The following ZNF274 variants were observed in gnomAD, a reference collection of about 807,000 sequenced individuals.
ZNF274 encodes neurotrophin receptor-interacting factor homolog.
ZNF274 carries 23 observed loss-of-function variants against 42.5 expected under a neutral mutation model. The observed-to-expected ratio is 0.54, with a 90% CI of 0.39 to 0.77. The LOEUF is 0.77. Among genes scored for constraint, ZNF274 ranks in the 30% least tolerant of loss-of-function variants. The probability of loss-of-function intolerance (pLI) is 0.00; values close to 1 mark genes in which losing one functional copy is unlikely to be tolerated. For synonymous variants in ZNF274, 292 were observed against 305.4 expected (o/e 0.96, Z 0.46); for missense variants, 679 against 806.5 (o/e 0.84, Z 1.91).
At chr19:58,196,537 A>C (rs1290743937) in intron 4 of ZNF274, among the ~76,000 whole-genome samples, 2 of 152,212 alleles carry the variant, frequency 1.3e-5, no homozygotes, top group African/African-American at 4.8e-5. Flanking sequence ...AGAAAAAAAA[A>C]CAAAGTTAAG....
Position 58,212,512 on chromosome 19 carries a change from T to C in ZNF274, c.1331T>C (p.Ile444Thr). Reference protein sequence around the residue: ...LDTNQVLLHKIPPRKRLRKRD... With the variant: ...LDTNQVLLHKTPPRKRLRKRD... ...ACAAACCAAGTTTTGCTCCACAAAA[T>C]TCCTCCTAGAAAACGATTGCGCAAA... Residue 444 changes from isoleucine (I) to threonine (T), a missense_variant, in exon 8 of 8, where the codon ATT becomes ACT. Ile to Thr is a moderately conservative substitution (Grantham distance 89). Around this residue, in one of 2 missense-constraint regions of ZNF274, gnomAD observed 456 missense variants for 590.1 expected, o/e 0.77. Coordinates refer to ENST00000617501, the MANE Select transcript of ZNF274 (RefSeq NM_133502.3). This position sits in a 1 kb window ranked among gnomAD's most constrained non-coding sequence, Gnocchi z 4.6. 3.7e-6 allele frequency: 6 copies of C among 1,613,944 alleles called. No individual in the cohort carries two copies. The highest frequency in any genetic ancestry group is 5.1e-6 in the Non-Finnish European group (6 of 1,179,880).
Position 58,209,968 on chromosome 19 carries a change from T to A in ZNF274, c.747T>A (p.Pro249=). 6.2e-7 allele frequency: 1 copy of A among 1,612,080 alleles called. No individual in the cohort carries two copies. The highest frequency in any genetic ancestry group is 1.3e-5 in the African/African-American group (1 of 75,042). Residue 249 remains proline (P), a synonymous_variant, in exon 6 of 8, where the codon CCT becomes CCA. Coordinates refer to ENST00000617501, the MANE Select transcript of ZNF274 (RefSeq NM_133502.3). ...GCTGGTGTCTCCTCCCAGTACTTCC[T>A]GCAGGACAACCTGCCGAGGGCACCA... ...VTWMSEEEVL[P]AGQPAEGTTC...
At position 58,198,730 on chromosome 19, in the gene ZNF274, CAAAA is replaced by C. The variant is rs1170480914; in HGVS notation, c.257-7989_257-7986del. Among the ~76,000 whole-genome samples, 3 of 148,126 alleles carry C rather than the reference CAAAA, an allele frequency of 2.0e-5. No individual in the cohort carries two copies. In the East Asian group the frequency reaches 5.9e-4, roughly 29 times the overall value. On this transcript the variant is annotated intron_variant, in intron 4 of 7. Coordinates refer to ENST00000617501, the MANE Select transcript of ZNF274 (RefSeq NM_133502.3). ...TTTGTTGAGTGTAGGAATGAACAAA[CAAAA>C]CATGGAAAGATTTTTGGAAAAGTGT... is the stretch of plus-strand genomic sequence containing the variant.
Position 58,207,192 on chromosome 19 carries a change from TGAG to T in ZNF274, c.735_737del (p.Glu246del). 4 of 1,610,578 alleles carry T rather than the reference TGAG, an allele frequency of 2.5e-6. No homozygotes were observed. The highest frequency in any genetic ancestry group is 3.4e-6 in the Non-Finnish European group (4 of 1,177,964). On this transcript the variant is annotated inframe_deletion, in exon 5 of 8. Coordinates refer to ENST00000617501, the MANE Select transcript of ZNF274 (RefSeq NM_133502.3). This position sits in a 1 kb window ranked among gnomAD's most constrained non-coding sequence, Gnocchi z 5.6. ...TGGTAGAGGGTGTGACCTGGATGTCTGAGGAGGAAGGTAAGTAGAAGGGTGGGT... is the reference window on the plus strand; with the variant it reads ...TGGTAGAGGGTGTGACCTGGATGTCTGAGGAAGGTAAGTAGAAGGGTGGGT...
intron 4 of ZNF274, among the ~76,000 whole-genome samples, chr19:58,203,579 CAAAAA>C (rs34444681): frequency 2.5e-5 from 2 of 80,306 alleles, no homozygotes; most frequent in East Asian, 5.2e-4. Flanking sequence ...AACTCCGTCT[CAAAAA>C]AAAAAAAAAA....
intron 2 of ZNF274, among the ~76,000 whole-genome samples, chr19:58,185,075 G>T (rs1419340452): frequency 6.7e-6 from 1 of 149,972 alleles, no homozygotes; most frequent in Non-Finnish European, 1.5e-5. Context: ...AGCCGAGATG[G>T]CGCCACTGCA....
chr19:58,186,134 G>T, intron 3 of ZNF274: 1 of 181,196 alleles, frequency 5.5e-6, no homozygotes, highest in East Asian at 1.3e-4. Flanking sequence ...CTTGAGCCCA[G>T]GAGTTTGAGA....
intron 4 of ZNF274, among the ~76,000 whole-genome samples, chr19:58,206,019 ACTGT>A (rs1161957760): frequency 2.6e-5 from 4 of 152,338 alleles, no homozygotes; most frequent in African/African-American, 7.2e-5. Flanking sequence ...AGCTGTCACT[ACTGT>A]CTAATTCCAG....
At chr19:58,201,171 A>ATTT (rs35433225) in intron 4 of ZNF274, among the ~76,000 whole-genome samples, 4 of 112,698 alleles carry the variant, frequency 3.5e-5, no homozygotes, top group Admixed American at 9.4e-5. Context: ...CGCCTGGCTA[A>ATTT]TTTTTTTTTT....
rs2075870456 is a variant in ZNF274, at chr19:58,198,512, C to T, written c.257-8208C>T. Among the ~76,000 whole-genome samples, 4 of 152,248 alleles carry T rather than the reference C, an allele frequency of 2.6e-5. No individual in the cohort carries two copies. The South Asian group carries it at 8.3e-4, about 32-fold the overall frequency. On this transcript the variant is annotated intron_variant, in intron 4 of 7. Coordinates refer to ENST00000617501, the MANE Select transcript of ZNF274 (RefSeq NM_133502.3). ...ATTTAAAAATAACAAAATACATAGT[C>T]AAGTGCGAACACACAAACATGGTTG...
chr19:58,192,422 CAG>C (rs1273764112), intron 4 of ZNF274, among the ~76,000 whole-genome samples: 3 of 152,148 alleles, frequency 2.0e-5, no homozygotes, highest in Admixed American at 6.6e-5. Context: ...TAGGTGGACT[CAG>C]TGGACCTAGG....
At chr19:58,192,584 C>T (rs2075790447) in intron 4 of ZNF274, among the ~76,000 whole-genome samples, 1 of 152,174 alleles carries the variant, frequency 6.6e-6, no homozygotes. Flanking sequence ...GTAGTGTTTG[C>T]ATATGACTTA....
At chr19:58,197,180 G>A (rs1204043089) in intron 4 of ZNF274, among the ~76,000 whole-genome samples, 1 of 152,148 alleles carries the variant, frequency 6.6e-6, no homozygotes, top group Non-Finnish European at 1.5e-5. Context: ...GAACTCACTG[G>A]CAAGGATCCC....
intron 4 of ZNF274, among the ~76,000 whole-genome samples, chr19:58,189,379 C>T (rs1054326599): frequency 1.3e-5 from 2 of 152,188 alleles, no homozygotes; most frequent in African/African-American, 4.8e-5. Flanking sequence ...CTGACTCAGA[C>T]TCCCAAAGTG....
intron 4 of ZNF274, among the ~76,000 whole-genome samples, chr19:58,188,676 GTATATATATATGTATATGTATATA>G (rs1391762560): frequency 7.5e-5 from 6 of 79,772 alleles, no homozygotes; most frequent in South Asian, 4.0e-4. Flanking sequence ...GTGTGTGTGT[GTATATATATATGTATATGTATATA>G]TATATATATA....
At chr19:58,209,831 G>C (rs1337763300) in intron 5 of ZNF274, 130 bp from the exon 6 acceptor site, 3 of 608,586 alleles carry the variant, frequency 4.9e-6, no homozygotes, top group Admixed American at 5.5e-5. Flanking sequence ...GAGGACAGGA[G>C]CAGAGGCTGT....
At chr19:58,194,943 G>C (rs1168500095) in intron 4 of ZNF274, among the ~76,000 whole-genome samples, 1 of 152,024 alleles carries the variant, frequency 6.6e-6, no homozygotes, top group African/African-American at 2.4e-5. Context: ...GGAGCTTGCA[G>C]TGAGCTGAAA....
intron 4 of ZNF274, among the ~76,000 whole-genome samples, chr19:58,204,043 G>A (rs2075950187): frequency 6.6e-6 from 1 of 152,202 alleles, no homozygotes; most frequent in South Asian, 2.1e-4. Flanking sequence ...CCTGTGCAGC[G>A]CGCAAACGGG....
At chr19:58,197,420 C>G (rs528989695) in intron 4 of ZNF274, among the ~76,000 whole-genome samples, 37 of 152,288 alleles carry the variant, frequency 2.4e-4, no homozygotes, top group African/African-American at 8.7e-4. Context: ...GTAGAGAAGG[C>G]AAACCCTACA....
Sources: allele counts gnomAD v4.1 joint callset (sites outside exome capture counted in the v4.1 genomes callset), GRCh38; gene constraint gnomAD v4.1.1; regional missense constraint gnomAD v4.1.1; non-coding constraint Gnocchi (gnomAD v3.1); transcripts MANE v1.5; gene names NCBI Gene and HGNC (gene_info 2026-07-23, HGNC 2026-07-21).